SOS1: variants seen among roughly 807,000 people sequenced by gnomAD.
The protein encoded by SOS1 is son of sevenless homolog 1.
SOS1 carries 25 observed loss-of-function variants against 157.6 expected under a neutral mutation model. The observed-to-expected ratio is 0.16, with a 90% CI of 0.12 to 0.22. The LOEUF (loss-of-function observed/expected upper bound fraction) is 0.22, where lower values mean the gene tolerates loss of function less well. SOS1 is among the 10% of genes least tolerant of loss of function. The pLI is 1.00. For synonymous variants in SOS1, 528 were observed against 534.0 expected, an observed-to-expected ratio of 0.99 and a Z score of 0.16; for missense variants, 1,237 against 1,599.1, an observed-to-expected ratio of 0.77 and a Z score of 3.86.
At chr2:38,992,352 T>G (rs1296027244) in intron 20 of SOS1, 1 of 151,956 alleles carries the variant, frequency 6.6e-6, no homozygotes, top group East Asian at 1.9e-4. Flanking sequence ...ACAAAGGGAG[T>G]AGTAATAGGG....
At position 39,045,273 on chromosome 2, in the gene SOS1, A is replaced by AGAGAGAGTGT. The variant is rs138343013; in HGVS notation, c.864+5870_864+5871insACACTCTCTC. On this transcript the variant is annotated intron_variant, in intron 6 of 22. Coordinates refer to ENST00000402219, the MANE Select transcript of SOS1 (RefSeq NM_005633.4). ...GAGAGAGAGAGAGAGAGAGAGAGAG[A>AGAGAGAGTGT]GTGTGTGTGTGTGTGTGTGTGTGTG... Among the ~76,000 whole-genome samples the AGAGAGAGTGT allele has an allele frequency of 6.5e-4, 70 of 108,080 alleles. No individual in the cohort carries two copies. The East Asian group carries it at 7.1e-3, about 11-fold the overall frequency. 70.9% of individuals were successfully genotyped at this position (108,080 alleles called of 152,430 possible).
chr2:39,047,055 T>G (rs186288392), intron 6 of SOS1, among the ~76,000 whole-genome samples: 2,155 of 152,282 alleles, frequency 0.014, 22 homozygotes, highest in South Asian at 0.028. Flanking sequence ...TGCATTTCTG[T>G]AACCACCACC....
rs568228332 is a variant in SOS1 at position 38,981,751 on chromosome 2, C to G, written c.*4073G>C. The G allele has an allele frequency of 4.6e-5, 7 of 152,106 alleles. No homozygotes were observed. The highest frequency in any genetic ancestry group is 2.1e-4 in the South Asian group (1 of 4,816). 9.4% of individuals were successfully genotyped at this position (152,106 alleles called of 1,614,324 possible). A position where few individuals can be genotyped will look rare whatever the true frequency, so the allele number is the denominator to read the frequency against. On this transcript the variant is annotated 3_prime_UTR_variant, in exon 23 of 23. Coordinates refer to ENST00000402219, the MANE Select transcript of SOS1 (RefSeq NM_005633.4). ...CTTTGTTCTTACATCAAAGACCGAC[C>G]GACAGAGCAATTTTTTGACAATTAT...
At position 39,060,430 on chromosome 2, in the gene SOS1, A is replaced by T. The variant is rs185736005; in HGVS notation, c.214-1626T>A. ...ATTTGCTATTCTGTTTTTTATTTGT[A>T]TATTTATTTATTCTGAGACAGAGTC... On this transcript the variant is annotated intron_variant, in intron 2 of 22. Coordinates refer to ENST00000402219, the MANE Select transcript of SOS1 (RefSeq NM_005633.4). Among the ~76,000 whole-genome samples, 133 of 152,218 alleles carry T rather than the reference A, an allele frequency of 8.7e-4. 2 individuals carry two copies. The highest frequency in any genetic ancestry group is 3.0e-3 in the African/African-American group (124 of 41,556).
intron 19 of SOS1, 69 bp downstream of exon 19, chr2:38,996,853 A>G (rs962138676): frequency 3.1e-5 from 26 of 837,412 alleles, no homozygotes; most frequent in Non-Finnish European, 4.2e-6. Context: ...ATCCCTGAAT[A>G]CCTTTATGGA....
At chr2:38,992,359 A>G (rs1389058357) in intron 20 of SOS1, 1 of 152,228 alleles carries the variant, frequency 6.6e-6, no homozygotes, top group Non-Finnish European at 1.5e-5. Flanking sequence ...GAGTAGTAAT[A>G]GGGTTTTTCT....
chr2:38,992,609 C>T (rs1002827806), intron 20 of SOS1: 1 of 152,210 alleles, frequency 6.6e-6, no homozygotes, highest in African/African-American at 2.4e-5. Context: ...ATATGCTTAT[C>T]TCCTGTTTTT....
chr2:39,013,429 T>C (rs1669530536), intron 13 of SOS1, 31 bp downstream of exon 13: 1 of 1,264,554 alleles, frequency 7.9e-7, no homozygotes, highest in Non-Finnish European at 1.2e-6. Flanking sequence ...TTATTACATA[T>C]AAAACTAGGC....
chr2:39,094,083 T>G (rs1172207925), intron 1 of SOS1, among the ~76,000 whole-genome samples: 1 of 152,062 alleles, frequency 6.6e-6, no homozygotes, highest in Admixed American at 6.6e-5. Flanking sequence ...AGAATCCAGA[T>G]CGTACTATTA....
intron 1 of SOS1, among the ~76,000 whole-genome samples, chr2:39,118,042 C>G (rs1018582079): frequency 4.6e-5 from 7 of 152,184 alleles, no homozygotes; most frequent in African/African-American, 1.7e-4. Flanking sequence ...AAGATATCAT[C>G]CCTGTTCTCA....
chr2:38,989,516 GCTTTA>G (rs567437427), intron 20 of SOS1, among the ~76,000 whole-genome samples: 106 of 150,852 alleles, frequency 7.0e-4, no homozygotes, highest in African/African-American at 2.5e-3. Flanking sequence ...ATTCCTTTTA[GCTTTA>G]CTTGATTTCA....
At chr2:39,097,949 A>AT (rs759954301) in intron 1 of SOS1, among the ~76,000 whole-genome samples, 67 of 152,344 alleles carry the variant, frequency 4.4e-4, no homozygotes, top group Admixed American at 1.3e-3. Context: ...TAAATTAACT[A>AT]TTTTTAAATT....
intron 17 of SOS1, among the ~76,000 whole-genome samples, chr2:39,004,603 A>G (rs1669225590): frequency 6.6e-6 from 1 of 152,070 alleles, no homozygotes; most frequent in South Asian, 2.1e-4. Context: ...CTAGAAGAAA[A>G]TATGATTATT....
intron 19 of SOS1, among the ~76,000 whole-genome samples, chr2:38,995,821 C>A (rs899968879): frequency 6.6e-6 from 1 of 152,118 alleles, no homozygotes; most frequent in Non-Finnish European, 1.5e-5. Flanking sequence ...GAGATATTTA[C>A]GAATACATTA....
At chr2:39,015,618 C>G (rs563125581) in intron 10 of SOS1, among the ~76,000 whole-genome samples, 28 of 151,950 alleles carry the variant, frequency 1.8e-4, no homozygotes, top group African/African-American at 6.8e-4. Context: ...TAGGCCTGAC[C>G]TACTCCCGTC....
chr2:39,075,398 G>A (rs918307125), intron 1 of SOS1, among the ~76,000 whole-genome samples: 1 of 152,086 alleles, frequency 6.6e-6, no homozygotes, highest in African/African-American at 2.4e-5. Context: ...TACATCTAGG[G>A]AAACAAACCT....
chr2:39,032,279 C>T (rs1004016651), intron 8 of SOS1, among the ~76,000 whole-genome samples: 1 of 152,302 alleles, frequency 6.6e-6, no homozygotes, highest in Admixed American at 6.5e-5. Flanking sequence ...CAGTATCTCC[C>T]TACTCCCCTA....
chr2:39,008,803 G>A (rs1011868805), intron 15 of SOS1, among the ~76,000 whole-genome samples: 2 of 152,264 alleles, frequency 1.3e-5, no homozygotes, highest in East Asian at 3.9e-4. Flanking sequence ...AGTCTTTCCA[G>A]TACCACTGCC....
intron 1 of SOS1, among the ~76,000 whole-genome samples, chr2:39,067,988 G>A (rs1432917337): frequency 1.3e-5 from 2 of 152,110 alleles, no homozygotes; most frequent in African/African-American, 4.8e-5. Context: ...GCCTTGTGGT[G>A]TGCGCCTGTA....
Sources: allele counts gnomAD v4.1 joint callset (sites outside exome capture counted in the v4.1 genomes callset), GRCh38; gene constraint gnomAD v4.1.1; transcripts MANE v1.5; gene names NCBI Gene and HGNC (gene_info 2026-07-23, HGNC 2026-07-21).